Variants in ADAP2 observed in about 807,000 individuals in gnomAD.
ADAP2 encodes the protein ArfGAP with dual PH domains 2, also known as arf-GAP with dual PH domain-containing protein 2.
Under a neutral mutation model 54.9 loss-of-function variants are expected in ADAP2, and 42 were observed. The ratio of observed to expected loss-of-function variants is 0.77; its 90% CI spans 0.60 to 0.99. The LOEUF is 0.99. ADAP2 is among the 50% of genes least tolerant of loss of function. The pLI is 0.00. For missense variants in ADAP2, 429 were observed against 480.4 expected, an observed-to-expected ratio of 0.89 and a Z score of 1.00; for synonymous variants, 177 against 180.1, an observed-to-expected ratio of 0.98 and a Z score of 0.14.
At chr17:30,933,541 C>T (rs1911653001) in intron 4 of ADAP2, among the ~76,000 whole-genome samples, 1 of 152,140 alleles carries the variant, frequency 6.6e-6, no homozygotes, top group South Asian at 2.1e-4. Context: ...ACTGTGTCAC[C>T]CAGGCTGGAG....
chr17:30,933,278 C>T (rs1911628950), intron 4 of ADAP2, among the ~76,000 whole-genome samples: 1 of 151,962 alleles, frequency 6.6e-6, no homozygotes, highest in Non-Finnish European at 1.5e-5. Context: ...ACTTCCACAT[C>T]CCAGGTTCAA....
At chr17:30,940,104 G>C (rs1007076393) in intron 5 of ADAP2, among the ~76,000 whole-genome samples, 2 of 152,044 alleles carry the variant, frequency 1.3e-5, no homozygotes, top group African/African-American at 2.4e-5. Context: ...TGAGACTTCA[G>C]GCACACACCA....
At chr17:30,949,936 AGT>A (rs1904501500) in intron 7 of ADAP2, among the ~76,000 whole-genome samples, 1 of 152,124 alleles carries the variant, frequency 6.6e-6, no homozygotes, top group Admixed American at 6.5e-5. Flanking sequence ...CCTTCAGAAG[AGT>A]GTCAAGGGGC....
At chr17:30,925,548 CCTT>C (rs147908233) in intron 2 of ADAP2, among the ~76,000 whole-genome samples, 14,876 of 149,820 alleles carry the variant, frequency 0.099, 884 homozygotes, top group South Asian at 0.24. Context: ...CTTCCTTCTT[CCTT>C]CTTCTTCTTC....
chr17:30,954,555 G>C lies in ADAP2; in HGVS notation c.882G>C (p.Leu294=). 6.2e-7 allele frequency: 1 copy of C among 1,613,670 alleles called. No individual in the cohort carries two copies. The highest frequency in any genetic ancestry group is 8.5e-7 in the Non-Finnish European group (1 of 1,179,606). ...GGCTGCTCTATTACAAGAACCCACT[G>C]GTAAGAGCCACTCCTGCTCCCTCCC... ...ERRLLYYKNP[L]DAFEQGQVFL... Residue 294 remains leucine, a splice_region_variant and synonymous_variant, in exon 9 of 11, where the codon CTG becomes CTC. Transcript: ENST00000330889.
At chr17:30,941,248 A>G (rs1400068472) in intron 5 of ADAP2, among the ~76,000 whole-genome samples, 1 of 152,158 alleles carries the variant, frequency 6.6e-6, no homozygotes, top group Non-Finnish European at 1.5e-5. Context: ...TTGTGCTGTT[A>G]ATTATTGCTT....
chr17:30,940,296 G>A (rs1273329545), intron 5 of ADAP2, among the ~76,000 whole-genome samples: 7 of 147,574 alleles, frequency 4.7e-5, no homozygotes, highest in Non-Finnish European at 8.8e-5. Context: ...AGAAAGATGG[G>A]TACCCTTTAC....
intron 3 of ADAP2, among the ~76,000 whole-genome samples, chr17:30,929,579 C>T (rs1461068666): frequency 6.6e-6 from 1 of 152,230 alleles, no homozygotes. Flanking sequence ...GGTCTCCATT[C>T]CTTCTCCCTG....
At chr17:30,942,771 CA>C (rs1452531988) in intron 5 of ADAP2, among the ~76,000 whole-genome samples, 13 of 152,264 alleles carry the variant, frequency 8.5e-5, no homozygotes, top group African/African-American at 3.1e-4. Context: ...TCAAAGAAGA[CA>C]TACACGTGGC....
At chr17:30,937,138 C>A (rs1788804796) in intron 5 of ADAP2, among the ~76,000 whole-genome samples, 1 of 151,882 alleles carries the variant, frequency 6.6e-6, no homozygotes, top group Non-Finnish European at 1.5e-5. Flanking sequence ...CTTGGCCAGG[C>A]TGGTCTTGAA....
intron 6 of ADAP2, 81 bp from the exon 7 acceptor site, chr17:30,949,206 C>A: frequency 8.4e-7 from 1 of 1,185,824 alleles, no homozygotes; most frequent in Non-Finnish European, 1.3e-6. Context: ...CAATGCCCAG[C>A]TAGCTTCCCG....
At chr17:30,927,043 C>A in intron 3 of ADAP2, 125 bp downstream of exon 3, 1 of 702,158 alleles carries the variant, frequency 1.4e-6, no homozygotes, top group Non-Finnish European at 2.5e-6. Flanking sequence ...CAGGTGGATC[C>A]AGGAAAGCAC....
intron 2 of ADAP2, among the ~76,000 whole-genome samples, chr17:30,925,906 T>C (rs1014737831): frequency 2.6e-5 from 4 of 152,042 alleles, no homozygotes; most frequent in African/African-American, 7.2e-5. Context: ...AATTTTTGTA[T>C]TTTTTTAGTA....
chr17:30,956,144 T>A, intron 9 of ADAP2, 97 bp from the exon 10 acceptor site: 1 of 1,062,424 alleles, frequency 9.4e-7, no homozygotes, highest in Non-Finnish European at 1.4e-6. Flanking sequence ...AGGGACCTCA[T>A]ACCCCTTTCC....
At chr17:30,952,907 T>C (rs117875100) in intron 7 of ADAP2, among the ~76,000 whole-genome samples, 1,757 of 152,254 alleles carry the variant, frequency 0.012, 54 homozygotes, top group Admixed American at 0.068. Context: ...AGATGTGTAA[T>C]GAGGCTGGTG....
chr17:30,949,194 C>T (rs552471362), intron 6 of ADAP2, 93 bp from the exon 7 acceptor site: 20 of 1,005,650 alleles, frequency 2.0e-5, no homozygotes, highest in African/African-American at 4.7e-5. Flanking sequence ...GTGCCCCACA[C>T]CCAATGCCCA....
chr17:30,936,790 A>T (rs1911917587), intron 5 of ADAP2, among the ~76,000 whole-genome samples: 1 of 152,210 alleles, frequency 6.6e-6, no homozygotes, highest in African/African-American at 2.4e-5. Context: ...AAGTTGTAAT[A>T]GTTCTGTATA....
At chr17:30,931,828 CAA>C (rs369963418) in intron 3 of ADAP2, 59 bp from the exon 4 acceptor site, 43,973 of 969,758 alleles carry the variant, frequency 0.045, no homozygotes, top group South Asian at 0.061. Context: ...GACCCTGTCT[CAA>C]AAAAAAAAAA....
chr17:30,939,236 T>C (rs1912088403), intron 5 of ADAP2, among the ~76,000 whole-genome samples: 1 of 152,128 alleles, frequency 6.6e-6, no homozygotes. Flanking sequence ...GGCCTCATCA[T>C]TGGTTGAAAA....
Sources: gnomAD v4.1 joint callset for allele counts (sites outside exome capture counted in the v4.1 genomes callset) on GRCh38, gnomAD v4.1.1 for gene constraint, MANE v1.5 for transcripts, NCBI Gene and HGNC (gene_info 2026-07-23, HGNC 2026-07-21) for gene names.